Variants in CBR4 observed in about 807,000 individuals in gnomAD.
The protein encoded by CBR4 is 3-oxoacyl-[acyl-carrier-protein] reductase.
A neutral mutation model predicts 21.0 loss-of-function variants in CBR4; 22 were observed. The ratio of observed to expected loss-of-function variants is 1.05; its 90% CI spans 0.75 to 1.50. The LOEUF (loss-of-function observed/expected upper bound fraction) is 1.50. Among genes scored for constraint, CBR4 ranks in the 40% most tolerant of loss-of-function variants. The pLI is 0.00. For synonymous variants in CBR4, 100 were observed against 104.4 expected, an observed-to-expected ratio of 0.96 and a Z score of 0.26; for missense variants, 302 against 286.3, an observed-to-expected ratio of 1.05 and a Z score of -0.40.
intron 2 of CBR4, among the ~76,000 whole-genome samples, chr4:168,896,120 G>C (rs1447819346): frequency 6.6e-6 from 1 of 150,568 alleles, no homozygotes; most frequent in East Asian, 2.0e-4. Context: ...TGAGACATGA[G>C]AATCGCTTGA....
intron 2 of CBR4, among the ~76,000 whole-genome samples, chr4:168,967,212 T>C (rs1269858132): frequency 6.6e-6 from 1 of 152,088 alleles, no homozygotes; most frequent in Non-Finnish European, 1.5e-5. Flanking sequence ...TGCAGGGACA[T>C]TGATGAAGCT....
chr4:168,915,970 G>A lies in CBR4; in HGVS notation n.170-21205C>T. ...AGCGATTCTTCAGACCTCACTTCTTGCAGGCTCCTGGAGATCTGACTGTTC... is the reference window on the plus strand; with the variant it reads ...AGCGATTCTTCAGACCTCACTTCTTACAGGCTCCTGGAGATCTGACTGTTC... On this transcript the variant is annotated intron_variant and non_coding_transcript_variant, in intron 2 of 3. Coordinates refer to the CBR4 transcript ENST00000509108. 6.2e-7 allele frequency: 1 copy of A among 1,613,592 alleles called. No homozygotes were observed. The highest frequency in any genetic ancestry group is 1.1e-5 in the South Asian group (1 of 91,078).
At chr4:168,955,759 A>C (rs1763666397) in intron 2 of CBR4, among the ~76,000 whole-genome samples, 1 of 152,226 alleles carries the variant, frequency 6.6e-6, no homozygotes, top group African/African-American at 2.4e-5. Flanking sequence ...ATATGTCAAG[A>C]GACCGGTCAG....
chr4:169,003,172 T>C (rs1168451092), intron 3 of CBR4, among the ~76,000 whole-genome samples: 2 of 152,366 alleles, frequency 1.3e-5, no homozygotes, highest in African/African-American at 2.4e-5. Context: ...TAATTCCTCT[T>C]AGGAATCTGG....
intron 2 of CBR4, among the ~76,000 whole-genome samples, chr4:168,928,829 A>G (rs1427766983): frequency 1.3e-5 from 2 of 152,102 alleles, no homozygotes; most frequent in African/African-American, 4.8e-5. Flanking sequence ...TCCCTCTCAC[A>G]CTTTCTCTTT....
At chr4:169,000,758 T>C (rs1312415316) in intron 4 of CBR4, among the ~76,000 whole-genome samples, 1 of 152,170 alleles carries the variant, frequency 6.6e-6, no homozygotes, top group Non-Finnish European at 1.5e-5. Context: ...CACCAGCTAA[T>C]TAGTGATCAT....
intron 4 of CBR4, among the ~76,000 whole-genome samples, chr4:169,000,720 A>G (rs1049850460): frequency 6.6e-6 from 1 of 152,246 alleles, no homozygotes. Flanking sequence ...TCAAAAACCA[A>G]GTAAATACCT....
At position 168,989,954 on chromosome 4, in the gene CBR4, C is replaced by T. The variant is rs575868310; in HGVS notation, c.*196G>A. ...TTTAAACAAAACAACACTGATGTAA[C>T]TTAGACCAAAAAAAAAAAAACCACA... On this transcript the variant is annotated 3_prime_UTR_variant, in exon 5 of 5. Transcript: ENST00000306193. 8.9e-6 allele frequency: 11 copies of T among 1,235,608 alleles called. No individual in the cohort carries two copies. The South Asian group carries it at 2.3e-4, about 26-fold the overall frequency. The allele number at this position is 1,235,608 out of a possible 1,614,324, so 76.5% of individuals were successfully genotyped here.
intron 2 of CBR4, among the ~76,000 whole-genome samples, chr4:168,957,395 C>A (rs1272779461): frequency 6.6e-6 from 1 of 151,766 alleles, no homozygotes; most frequent in Admixed American, 6.6e-5. Context: ...AAATTTTGTT[C>A]TCCAATGCTG....
At chr4:168,973,671 T>A (rs562230029) in intron 2 of CBR4, among the ~76,000 whole-genome samples, 7 of 152,372 alleles carry the variant, frequency 4.6e-5, no homozygotes, top group Middle Eastern at 3.4e-3. Flanking sequence ...CATGAATCCA[T>A]CTGGTCCTAG....
chr4:168,947,052 A>C (rs377676544), intron 2 of CBR4, among the ~76,000 whole-genome samples: 34 of 152,282 alleles, frequency 2.2e-4, no homozygotes, highest in African/African-American at 7.2e-4. Context: ...TCAAGAAATA[A>C]AACTTTGCCA....
At chr4:169,007,955 T>A (rs1299353096) in intron 1 of CBR4, among the ~76,000 whole-genome samples, 199 bp from the exon 2 acceptor site, 2 of 152,156 alleles carry the variant, frequency 1.3e-5, no homozygotes, top group Non-Finnish European at 2.9e-5. Flanking sequence ...GGAAATAAAG[T>A]ACTACTACAG....
intron 2 of CBR4, among the ~76,000 whole-genome samples, chr4:168,977,762 G>A (rs1213751227): frequency 6.6e-6 from 1 of 152,136 alleles, no homozygotes; most frequent in Non-Finnish European, 1.5e-5. Flanking sequence ...CTTATGCAGT[G>A]TTTTTTGCGA....
chr4:168,919,949 T>A (rs1761097887), intron 2 of CBR4, among the ~76,000 whole-genome samples: 1 of 152,114 alleles, frequency 6.6e-6, no homozygotes, highest in Non-Finnish European at 1.5e-5. Context: ...ACTGGGTAGG[T>A]TCACTGTGAA....
chr4:168,938,246 A>AT (rs1487688133), intron 2 of CBR4, among the ~76,000 whole-genome samples: 1 of 152,226 alleles, frequency 6.6e-6, no homozygotes, highest in Non-Finnish European at 1.5e-5. Flanking sequence ...GCAGAAATAA[A>AT]TAAGTTCTTT....
intron 1 of CBR4, among the ~76,000 whole-genome samples, chr4:169,008,212 GATGCACT>G (rs1295880997): frequency 6.6e-6 from 1 of 152,022 alleles, no homozygotes; most frequent in African/African-American, 2.4e-5. Flanking sequence ...AAGTGCTACG[GATGCACT>G]ATGGCACATA....
chr4:168,898,639 G>C, intron 2 of CBR4: 6 of 1,614,134 alleles, frequency 3.7e-6, no homozygotes, highest in Non-Finnish European at 5.1e-6. Context: ...TTGAGATGAA[G>C]CTGAAACATT....
rs187936515 is a variant in CBR4, at chr4:168,970,345, G to A, written n.169+31726C>T. 2.4e-3 allele frequency among the ~76,000 whole-genome samples: 368 copies of A among 152,082 alleles called. 2 individuals are homozygous for A. Among genetic ancestry groups the A allele is most frequent in the African/African-American group, 8.5e-3 (352 of 41,492 alleles). ...TATGTTCTACCAAGCATTTTATTTT[G>A]ATATTTAAGTACTTTTTTCCATCTG... On this transcript the variant is annotated intron_variant and non_coding_transcript_variant, in intron 2 of 3. Transcript: ENST00000509108.
rs200423995 is a variant in CBR4, at chr4:169,010,060, G to A, written c.30C>T (p.Gly10=). MDKVCAVFG[G]SRGIGRAVAQ... ...CCACAGCTCTGCCAATGCCTCGGGAGCCTCCAAAAACAGCACACACTTTGT... is the reference window on the plus strand; with the variant it reads ...CCACAGCTCTGCCAATGCCTCGGGAACCTCCAAAAACAGCACACACTTTGT... The change falls in exon 1 of 5, where the codon GGC becomes GGT. Residue 10 remains glycine (G), a synonymous_variant. Coordinates refer to ENST00000306193, the MANE Select transcript of CBR4 (RefSeq NM_032783.5). The A allele has an allele frequency of 4.6e-5, 75 of 1,613,496 alleles. No individual in the cohort carries two copies. Among genetic ancestry groups the A allele is most frequent in the Non-Finnish European group, 6.0e-5 (71 of 1,179,874 alleles).
Sources: allele counts gnomAD v4.1 joint callset (sites outside exome capture counted in the v4.1 genomes callset), GRCh38; gene constraint gnomAD v4.1.1; transcripts MANE v1.5; gene names NCBI Gene and HGNC (gene_info 2026-07-23, HGNC 2026-07-21).